The following DNAJC6 variants were observed in gnomAD, a reference collection of about 807,000 sequenced individuals.
The protein encoded by DNAJC6 is DnaJ heat shock protein family (Hsp40) member C6.
DNAJC6 carries 34 observed loss-of-function variants against 110.0 expected under a neutral mutation model. The observed-to-expected ratio is 0.31, with a 90% CI of 0.24 to 0.41. The LOEUF (loss-of-function observed/expected upper bound fraction) is 0.41. Among genes scored for constraint, DNAJC6 ranks in the 10% least tolerant of loss-of-function variants. The pLI is 1.00. For missense variants in DNAJC6, 1,031 were observed against 1,207.8 expected (o/e 0.85, Z 2.17); for synonymous variants, 406 against 437.2 (o/e 0.93, Z 0.89).
At chr1:65,324,974 G>A (rs951515135) in intron 1 of DNAJC6, among the ~76,000 whole-genome samples, 1 of 152,226 alleles carries the variant, frequency 6.6e-6, no homozygotes, top group Non-Finnish European at 1.5e-5. Context: ...TGAACCTGGT[G>A]AAGTATGCAT....
At chr1:65,276,097 G>C (rs1332864119) in intron 1 of DNAJC6, among the ~76,000 whole-genome samples, 1 of 152,090 alleles carries the variant, frequency 6.6e-6, no homozygotes, top group African/African-American at 2.4e-5. Context: ...GGCCAGGCTG[G>C]TCTTGAACTC....
At chr1:65,286,731 T>C (rs111840811) in intron 1 of DNAJC6, among the ~76,000 whole-genome samples, 4 of 152,332 alleles carry the variant, frequency 2.6e-5, no homozygotes, top group African/African-American at 9.6e-5. Flanking sequence ...CTAATACATT[T>C]GAGAAACAAT....
At chr1:65,395,949 A>T (rs1236827418) in intron 13 of DNAJC6, among the ~76,000 whole-genome samples, 1 of 152,224 alleles carries the variant, frequency 6.6e-6, no homozygotes, top group African/African-American at 2.4e-5. Flanking sequence ...ATTGAACATT[A>T]TTGGCCACAA....
At chr1:65,398,932 T>A (rs754575071) in intron 14 of DNAJC6, 51 bp downstream of exon 14, 1 of 1,587,406 alleles carries the variant, frequency 6.3e-7, no homozygotes. Flanking sequence ...AAAAGCATAA[T>A]CCTTACCCAA....
chr1:65,303,601 C>T (rs112546671), intron 1 of DNAJC6, among the ~76,000 whole-genome samples: 6,146 of 151,950 alleles, frequency 0.04, 161 homozygotes, highest in Middle Eastern at 0.072. Flanking sequence ...CTCTGTCACC[C>T]AGGCTGGAGT....
chr1:65,277,839 A>G (rs994190870), intron 1 of DNAJC6, among the ~76,000 whole-genome samples: 2 of 152,228 alleles, frequency 1.3e-5, no homozygotes, highest in African/African-American at 4.8e-5. Flanking sequence ...CTCTCGAGGC[A>G]GTCTCCTGGT....
At chr1:65,398,291 CATT>C (rs1187146340) in intron 13 of DNAJC6, among the ~76,000 whole-genome samples, 2 of 152,192 alleles carry the variant, frequency 1.3e-5, no homozygotes, top group Non-Finnish European at 2.9e-5. Context: ...CTGCATGACT[CATT>C]ATTCTCAACT....
intron 1 of DNAJC6, among the ~76,000 whole-genome samples, chr1:65,286,211 A>T (rs1389994843): frequency 1.3e-5 from 2 of 152,134 alleles, no homozygotes; most frequent in African/African-American, 4.8e-5. Context: ...AGCCATTTGA[A>T]TAGCAGAATT....
chr1:65,365,840 T>C (rs1645640741), intron 2 of DNAJC6, 45 bp from the exon 3 acceptor site: 1 of 1,597,162 alleles, frequency 6.3e-7, no homozygotes, highest in Non-Finnish European at 8.5e-7. Context: ...AATCTTGGCA[T>C]ATTTGGATCA....
intron 1 of DNAJC6, among the ~76,000 whole-genome samples, chr1:65,344,107 A>C (rs764183476): frequency 2.0e-4 from 30 of 152,142 alleles, no homozygotes; most frequent in Non-Finnish European, 4.0e-4. Context: ...CCTTGAACTT[A>C]GGGAGGCCCT....
At chr1:65,305,088 T>G (rs1438963955), upstream of DNAJC6, among the ~76,000 whole-genome samples, 3 of 152,258 alleles carry the variant, frequency 2.0e-5, no homozygotes, top group African/African-American at 7.2e-5. Context: ...GATTTATGTT[T>G]GTTAAAACAG....
At chr1:65,346,697 A>G (rs1051356375) in intron 1 of DNAJC6, among the ~76,000 whole-genome samples, 2 of 152,088 alleles carry the variant, frequency 1.3e-5, no homozygotes, top group African/African-American at 4.8e-5. Context: ...CATGTTCCCT[A>G]GTATGCTTAT....
chr1:65,326,068 A>G (rs562977383), intron 1 of DNAJC6, among the ~76,000 whole-genome samples: 1 of 152,320 alleles, frequency 6.6e-6, no homozygotes, highest in East Asian at 1.9e-4. Flanking sequence ...TTATGTGCAC[A>G]TGACTGTATA....
intron 13 of DNAJC6, among the ~76,000 whole-genome samples, chr1:65,397,182 C>G (rs1645987330): frequency 6.6e-6 from 1 of 152,172 alleles, no homozygotes. Flanking sequence ...GTTGGGAAAG[C>G]AATGATCATT....
At chr1:65,351,503 T>G (rs868123403) in intron 1 of DNAJC6, among the ~76,000 whole-genome samples, 2 of 152,300 alleles carry the variant, frequency 1.3e-5, no homozygotes, top group Middle Eastern at 3.4e-3. Flanking sequence ...TGTCAGAGGA[T>G]CTCTACTCTC....
intron 4 of DNAJC6, among the ~76,000 whole-genome samples, chr1:65,374,410 G>A (rs191744755): frequency 2.6e-5 from 4 of 152,214 alleles, no homozygotes; most frequent in Admixed American, 2.0e-4. Flanking sequence ...TCTAATCCAT[G>A]AGCATGGAAT....
At chr1:65,389,775 C>A in intron 11 of DNAJC6, 148 bp downstream of exon 11, 1 of 841,852 alleles carries the variant, frequency 1.2e-6, no homozygotes, top group South Asian at 1.7e-5. Context: ...AAGCCCAGCA[C>A]TTTGGAAGGC....
At chr1:65,268,517 A>G (rs558065079) in intron 1 of DNAJC6, among the ~76,000 whole-genome samples, 154 of 152,310 alleles carry the variant, frequency 1.0e-3, no homozygotes, top group African/African-American at 3.5e-3. Context: ...TTGTCACAAC[A>G]CTGCAAGGTA....
At chr1:65,284,854 C>A (rs187859037) in intron 1 of DNAJC6, among the ~76,000 whole-genome samples, 1 of 151,870 alleles carries the variant, frequency 6.6e-6, no homozygotes, top group South Asian at 2.1e-4. Context: ...ACGCCTGGCT[C>A]ATTTTGTATT....
Sources: gnomAD v4.1 joint callset for allele counts (sites outside exome capture counted in the v4.1 genomes callset) on GRCh38, gnomAD v4.1.1 for gene constraint, MANE v1.5 for transcripts, NCBI Gene and HGNC (gene_info 2026-07-23, HGNC 2026-07-21) for gene names.